WWOX: variants seen among roughly 807,000 people sequenced by gnomAD.
WWOX encodes the protein WW domain-containing oxidoreductase.
A neutral mutation model predicts 46.2 loss-of-function variants in WWOX; 69 were observed. The ratio of observed to expected loss-of-function variants is 1.49; its 90% CI spans 1.23 to 1.82. WWOX has a LOEUF of 1.82. Ranked by LOEUF, WWOX falls within the 40% of genes most tolerant of loss-of-function variation. The probability of loss-of-function intolerance (pLI) is 0.00; values close to 1 mark genes in which losing one functional copy is unlikely to be tolerated. For missense variants in WWOX, 919 were observed against 542.6 expected (o/e 1.69, Z -6.89); for synonymous variants, 359 against 202.6 (o/e 1.77, Z -6.56).
chr16:78,399,099 G>GA (rs1360208982), intron 6 of WWOX, among the ~76,000 whole-genome samples: 1 of 149,128 alleles, frequency 6.7e-6, no homozygotes, highest in Non-Finnish European at 1.5e-5. Flanking sequence ...GGAAGGGGTG[G>GA]AAGGGGATGC....
Position 78,390,572 on chromosome 16 carries a change from GA to G in WWOX, c.605+3628del, listed in dbSNP as rs147370145. Among the ~76,000 whole-genome samples, 778 of 152,282 alleles carry G rather than the reference GA, an allele frequency of 5.1e-3. 6 individuals are homozygous for G. Among genetic ancestry groups the G allele is most frequent in the African/African-American group, 0.018 (732 of 41,562 alleles). On this transcript the variant is annotated intron_variant, in intron 6 of 8. Coordinates refer to ENST00000566780, the MANE Select transcript of WWOX (RefSeq NM_016373.4). The stretch of plus-strand genomic sequence containing the variant: ...TGGCTTAGAGAAATACTGTGGTGGT[GA>G]AAATATGCATAAAAAAGCGAGAGAT...
chr16:79,205,724 A>C (rs1567617451), intron 8 of WWOX: 1 of 152,224 alleles, frequency 6.6e-6, no homozygotes, highest in Non-Finnish European at 1.5e-5. Flanking sequence ...GCATGTGTCT[A>C]AGGCTGGATT....
chr16:78,912,176 A>G (rs1251299913), intron 8 of WWOX, among the ~76,000 whole-genome samples: 2 of 152,086 alleles, frequency 1.3e-5, no homozygotes, highest in Admixed American at 6.6e-5. Flanking sequence ...TTTATGGCAC[A>G]TAATTAATAC....
chr16:78,594,910 T>C (rs749664117), intron 8 of WWOX, among the ~76,000 whole-genome samples: 4 of 152,188 alleles, frequency 2.6e-5, no homozygotes, highest in Non-Finnish European at 5.9e-5. Context: ...TAAAGAATTA[T>C]AATTAAGAGA....
At chr16:79,065,195 T>C (rs1004825740) in intron 8 of WWOX, among the ~76,000 whole-genome samples, 1 of 152,198 alleles carries the variant, frequency 6.6e-6, no homozygotes, top group African/African-American at 2.4e-5. Context: ...CCTTAGTTCT[T>C]ATAATTGCTC....
intron 8 of WWOX, among the ~76,000 whole-genome samples, chr16:78,929,811 AG>A (rs1402243192): frequency 6.6e-6 from 1 of 152,246 alleles, no homozygotes; most frequent in Non-Finnish European, 1.5e-5. Flanking sequence ...CATAAATCCA[AG>A]AAAGACTGGG....
At chr16:78,925,766 T>C (rs569657430) in intron 8 of WWOX, among the ~76,000 whole-genome samples, 3 of 152,302 alleles carry the variant, frequency 2.0e-5, no homozygotes, top group Admixed American at 2.0e-4. Flanking sequence ...TGCTGTTTGT[T>C]CTTGCAGGGT....
intron 8 of WWOX, among the ~76,000 whole-genome samples, chr16:78,521,574 A>T (rs1026373990): frequency 1.3e-5 from 2 of 152,206 alleles, no homozygotes; most frequent in Non-Finnish European, 2.9e-5. Flanking sequence ...CAGGGTTGTC[A>T]TGCAAGTTGA....
intron 8 of WWOX, among the ~76,000 whole-genome samples, chr16:78,532,694 A>G (rs187444457): frequency 9.7e-4 from 148 of 152,284 alleles, no homozygotes; most frequent in African/African-American, 3.5e-3. Flanking sequence ...CACATCTCAC[A>G]TGGCAGCAGG....
chr16:78,492,570 G>A lies in WWOX; in HGVS notation c.1056+59818G>A, dbSNP rs571335168. 1.2e-3 allele frequency among the ~76,000 whole-genome samples: 190 copies of A among 152,232 alleles called. 2 individuals carry two copies. In the Middle Eastern group the frequency reaches 0.027, roughly 22 times the overall value. ...CCCTGACCCTGGGGACTAAGCCCAGGACCTGCCACTAGGAGATATTCATGG... is the reference window on the plus strand; with the variant it reads ...CCCTGACCCTGGGGACTAAGCCCAGAACCTGCCACTAGGAGATATTCATGG... On this transcript the variant is annotated intron_variant, in intron 8 of 8. Coordinates refer to ENST00000566780, the MANE Select transcript of WWOX (RefSeq NM_016373.4).
At position 79,178,417 on chromosome 16, in the gene WWOX, A is replaced by C. The variant is rs545268181; in HGVS notation, c.1057-33191A>C. On this transcript the variant is annotated intron_variant, in intron 8 of 8. Transcript: ENST00000566780. ...CTACAGCTTCAACCTCCTGGGATCAAGCAGTCTTCTTGCCTTAGCCACCCG... is the reference window on the plus strand; with the variant it reads ...CTACAGCTTCAACCTCCTGGGATCACGCAGTCTTCTTGCCTTAGCCACCCG... 4.6e-5 allele frequency among the ~76,000 whole-genome samples: 7 copies of C among 152,214 alleles called. No homozygotes were observed. The South Asian group carries it at 8.3e-4, about 18-fold the overall frequency.
At chr16:78,573,729 CAGG>C (rs1175741634) in intron 8 of WWOX, among the ~76,000 whole-genome samples, 5 of 152,208 alleles carry the variant, frequency 3.3e-5, no homozygotes, top group Non-Finnish European at 7.3e-5. Flanking sequence ...AAGCTTTCAT[CAGG>C]TTCACTTGCT....
chr16:78,711,491 A>C lies in WWOX; in HGVS notation c.1056+278739A>C, dbSNP rs184290923. 1.2e-3 allele frequency among the ~76,000 whole-genome samples: 181 copies of C among 152,298 alleles called. 3 individuals are homozygous for C. Among genetic ancestry groups the C allele is most frequent in the African/African-American group, 4.1e-3 (172 of 41,554 alleles). On this transcript the variant is annotated intron_variant, in intron 8 of 8. Coordinates refer to ENST00000566780, the MANE Select transcript of WWOX (RefSeq NM_016373.4). Reference sequence around the variant, plus strand: ...GAATGTATCAACTAAGAAGACTATCAATTTTAGAGCATACAGCTGTTCTAG... The same window carrying C: ...GAATGTATCAACTAAGAAGACTATCCATTTTAGAGCATACAGCTGTTCTAG...
intron 8 of WWOX, among the ~76,000 whole-genome samples, chr16:79,186,982 C>A (rs2150798324): frequency 6.6e-6 from 1 of 152,226 alleles, no homozygotes; most frequent in South Asian, 2.1e-4. Flanking sequence ...TGAAGAATTT[C>A]AAAAGCCAGA....
In WWOX at chr16:78,201,062, T is replaced by C. The variant is rs561011975; in HGVS notation, c.516+36773T>C. 2.6e-5 allele frequency among the ~76,000 whole-genome samples: 4 copies of C among 152,358 alleles called. No homozygotes were observed. The East Asian group carries it at 7.7e-4, about 29-fold the overall frequency. On this transcript the variant is annotated intron_variant, in intron 5 of 8. Coordinates refer to ENST00000566780, the MANE Select transcript of WWOX (RefSeq NM_016373.4). ...AGAGAATATGACCATTTCTGGTCTT[T>C]TACTATGCTCGTATTAATCCACCCT...
intron 8 of WWOX, among the ~76,000 whole-genome samples, chr16:78,502,440 G>C: frequency 6.6e-6 from 1 of 152,166 alleles, no homozygotes; most frequent in East Asian, 1.9e-4. Flanking sequence ...TGATATGTTA[G>C]TCGTCTCTTG....
At chr16:78,766,447 C>T (rs2049926704) in intron 8 of WWOX, among the ~76,000 whole-genome samples, 1 of 152,124 alleles carries the variant, frequency 6.6e-6, no homozygotes, top group Admixed American at 6.5e-5. Flanking sequence ...ATTTAGCCGG[C>T]TGTCGTGTCT....
At chr16:78,522,484 G>T (rs149317566) in intron 8 of WWOX, among the ~76,000 whole-genome samples, 4 of 152,168 alleles carry the variant, frequency 2.6e-5, no homozygotes, top group Non-Finnish European at 5.9e-5. Flanking sequence ...CTCTGTCTCC[G>T]ATGTCACTCT....
At chr16:79,106,125 C>G (rs1205857561) in intron 8 of WWOX, 1 of 152,216 alleles carries the variant, frequency 6.6e-6, no homozygotes, top group East Asian at 1.9e-4. Flanking sequence ...AATGGAAATT[C>G]TTAGGCCACT....
Sources: allele counts gnomAD v4.1 joint callset (sites outside exome capture counted in the v4.1 genomes callset), GRCh38; gene constraint gnomAD v4.1.1; transcripts MANE v1.5; gene names NCBI Gene and HGNC (gene_info 2026-07-23, HGNC 2026-07-21).